The following SFRP5 variants were observed in gnomAD, a reference collection of about 807,000 sequenced individuals.
SFRP5 encodes secreted frizzled-related protein 5.
A neutral mutation model predicts 27.0 loss-of-function variants in SFRP5; 22 were observed. That is an observed-to-expected ratio of 0.82 (90% CI 0.58 to 1.17). The LOEUF is 1.17. SFRP5 is among the 50% of genes most tolerant of loss of function. The probability of loss-of-function intolerance (pLI) is 0.00; values close to 1 mark genes in which losing one functional copy is unlikely to be tolerated. For synonymous variants in SFRP5, 171 were observed against 195.0 expected (o/e 0.88, Z 1.03); for missense variants, 406 against 436.6 (o/e 0.93, Z 0.63).
Position 97,767,837 on chromosome 10 carries a change from T to G in SFRP5, c.631A>C (p.Ile211Leu). The G allele has an allele frequency of 6.5e-7, 1 of 1,529,638 alleles. No individual in the cohort carries two copies. The highest frequency in any genetic ancestry group is 1.3e-5 in the South Asian group (1 of 75,760). The allele number at this position is 1,529,638 out of a possible 1,614,324, so 94.8% of individuals were successfully genotyped here. A position where few individuals can be genotyped will look rare whatever the true frequency, so the allele number is the denominator to read the frequency against. ...TTCCGGTCCCCATTCTCTATCTTGA[T>G]CTCCTTGATGCGCATTTTGACCACT... The part of the protein sequence containing the change: ...DFVVKMRIKE[I>L]KIENGDRKLI... Residue 211 changes from isoleucine to leucine, a missense_variant, in exon 3 of 3, where the codon ATC becomes CTC. By Grantham distance (5) the Ile-to-Leu change is conservative. Coordinates refer to ENST00000266066, the MANE Select transcript of SFRP5 (RefSeq NM_003015.3).
rs764282376 is a variant in SFRP5 at position 97,771,359 on chromosome 10, T to G, written c.475A>C (p.Asn159His). ...AACTGCACGGCGATGCAGAGGTCGT[T>G]GTCCAGGGGGAACTTGTGGCAGTGC... The part of the protein sequence containing the change: ...MLHCHKFPLD[N>H]DLCIAVQFGH... The change falls in exon 1 of 3, where the codon AAC (asparagine) becomes CAC (histidine). Residue 159 changes from asparagine to histidine, a missense_variant. Physicochemically the swap from Asn to His is moderately conservative, Grantham distance 68 (BLOSUM62 1). Transcript: ENST00000266066. This position sits in a 1 kb window ranked among gnomAD's most constrained non-coding sequence, Gnocchi z 5.2. The G allele has an allele frequency of 1.9e-6, 3 of 1,607,812 alleles. No individual in the cohort carries two copies. Among genetic ancestry groups the G allele is most frequent in the East Asian group, 4.5e-5 (2 of 44,536 alleles).
Position 97,767,675 on chromosome 10 carries a change from A to G in SFRP5, c.793T>C (p.Phe265Leu). Residue 265 changes from phenylalanine to leucine, a missense_variant, in exon 3 of 3, where the codon TTC becomes CTC. Phe to Leu is a conservative substitution (Grantham distance 22, BLOSUM62 0). Coordinates refer to ENST00000266066, the MANE Select transcript of SFRP5 (RefSeq NM_003015.3). ...TCCACTTTGCGGCCCATGACCAGGA[A>G]GCTGCCCGCCAGGCTGTCCAGCTGT... ...CPQLDSLAGS[F>L]LVMGRKVDGQ... 1 of 1,614,144 alleles carries G rather than the reference A, an allele frequency of 6.2e-7. No homozygotes were observed. Among genetic ancestry groups the G allele is most frequent in the Non-Finnish European group, 8.5e-7 (1 of 1,180,036 alleles).
intron 1 of SFRP5, 132 bp from the exon 2 acceptor site, chr10:97,769,877 A>G: frequency 1.5e-6 from 1 of 673,192 alleles, no homozygotes; most frequent in Non-Finnish European, 2.8e-6. Flanking sequence ...CCTTATCAGG[A>G]GATGGGATGA....
At chr10:97,769,229 GC>G (rs2049502382) in intron 2 of SFRP5, among the ~76,000 whole-genome samples, 1 of 152,148 alleles carries the variant, frequency 6.6e-6, no homozygotes, top group African/African-American at 2.4e-5. Flanking sequence ...CCACAGCTCC[GC>G]TGGCAGGAGG....
intron 2 of SFRP5, among the ~76,000 whole-genome samples, 171 bp downstream of exon 2, chr10:97,769,497 A>G (rs1191413403): frequency 1.3e-5 from 2 of 152,158 alleles, no homozygotes; most frequent in East Asian, 3.9e-4. Flanking sequence ...AAAGAGGTGC[A>G]TTTCTCTTGG....
chr10:97,768,935 C>G (rs2049500305), intron 2 of SFRP5, among the ~76,000 whole-genome samples: 1 of 152,196 alleles, frequency 6.6e-6, no homozygotes, highest in Non-Finnish European at 1.5e-5. Flanking sequence ...CCCCTTCCCC[C>G]TCTCTTTCTC....
chr10:97,770,981 C>A (rs1310822465), intron 1 of SFRP5, among the ~76,000 whole-genome samples: 1 of 152,040 alleles, frequency 6.6e-6, no homozygotes, highest in Non-Finnish European at 1.5e-5. Context: ...ATCAGGACGT[C>A]CCAGGATTGG....
intron 2 of SFRP5, among the ~76,000 whole-genome samples, chr10:97,768,408 A>G (rs1185947319): frequency 6.6e-6 from 1 of 152,024 alleles, no homozygotes; most frequent in East Asian, 1.9e-4. Context: ...GGGCTGGCAA[A>G]TATTTAACAG....
At chr10:97,768,421 G>A (rs1449054801) in intron 2 of SFRP5, among the ~76,000 whole-genome samples, 3 of 152,190 alleles carry the variant, frequency 2.0e-5, no homozygotes, top group South Asian at 2.1e-4. Context: ...TTTAACAGCC[G>A]GCTCTGTGGA....
intron 2 of SFRP5, among the ~76,000 whole-genome samples, chr10:97,769,040 A>G (rs1450560009): frequency 6.6e-6 from 1 of 152,220 alleles, no homozygotes; most frequent in East Asian, 1.9e-4. Context: ...GGACTTCATT[A>G]TCATCTCCTT....
At chr10:97,770,971 A>G (rs1056670982) in intron 1 of SFRP5, among the ~76,000 whole-genome samples, 10 of 152,046 alleles carry the variant, frequency 6.6e-5, no homozygotes, top group Non-Finnish European at 1.3e-4. Context: ...TAAGGCATTT[A>G]TCAGGACGTC....
At position 97,771,869 on chromosome 10, in the gene SFRP5, C is replaced by T. The variant is rs757920894; in HGVS notation, c.-36G>A. ...TCTCCAGGTGCGCGCCGCGCAGCCC[C>T]CCGACGCTCGGTGCCCGGCGGCCCA... On this transcript the variant is annotated 5_prime_UTR_variant, in exon 1 of 3. Transcript: ENST00000266066. The surrounding 1 kb of genome is among the most constrained non-coding windows in gnomAD (Gnocchi z 5.2). The T allele has an allele frequency of 1.1e-4, 108 of 1,022,374 alleles. No homozygotes were observed. The highest frequency in any genetic ancestry group is 7.6e-5 in the Non-Finnish European group (65 of 855,280). 63.3% of individuals were successfully genotyped at this position (1,022,374 alleles called of 1,614,324 possible). A position where few individuals can be genotyped will look rare whatever the true frequency, so the allele number is the denominator to read the frequency against.
Position 97,767,388 on chromosome 10 carries a change from C to T in SFRP5, c.*126G>A. ...GGACAGCCTGGGCTCCGTGCCCATC[C>T]CTTAGGCCTTGTGCCAGTAACAACA... is the stretch of plus-strand genomic sequence containing the variant. On this transcript the variant is annotated 3_prime_UTR_variant, in exon 3 of 3. Coordinates refer to ENST00000266066, the MANE Select transcript of SFRP5 (RefSeq NM_003015.3). 1 of 727,192 alleles carries T rather than the reference C, an allele frequency of 1.4e-6. No individual in the cohort carries two copies. The highest frequency in any genetic ancestry group is 2.2e-6 in the Non-Finnish European group (1 of 450,392). The allele number at this position is 727,192 out of a possible 1,614,324, so 45.0% of individuals were successfully genotyped here.
At chr10:97,769,363 C>G (rs2049503291) in intron 2 of SFRP5, among the ~76,000 whole-genome samples, 1 of 152,254 alleles carries the variant, frequency 6.6e-6, no homozygotes, top group South Asian at 2.1e-4. Flanking sequence ...CAGAGATGAT[C>G]CAGTCATGGA....
Position 97,769,494 on chromosome 10 carries a change from T to G in SFRP5, c.607+174A>C, listed in dbSNP as rs376451420. Among the ~76,000 whole-genome samples the G allele has an allele frequency of 4.6e-5, 7 of 152,188 alleles. No individual in the cohort carries two copies. In the South Asian group the frequency reaches 6.2e-4, roughly 14 times the overall value. On this transcript the variant is annotated intron_variant, in intron 2 of 2. Transcript: ENST00000266066. ...GGTCCTGAGATGATGCAGAAAGAGG[T>G]GCATTTCTCTTGGGAAAGGGTTTAT...
Position 97,769,699 on chromosome 10 carries a change from G to T in SFRP5, c.576C>A (p.Gly192=), listed in dbSNP as rs144534925. The change falls in exon 2 of 3, where the codon GGC becomes GGA. Residue 192 remains glycine (G), a synonymous_variant. Transcript: ENST00000266066. ...AQCEMEHSAD[G]LMEQMCSSDF... is the part of the protein sequence containing the mutation. ...CACTGGAGCACATCTGCTCCATGAG[G>T]CCGTCAGCACTGTGCTCCATCTCAC... 1.7e-5 allele frequency: 27 copies of T among 1,613,482 alleles called. 1 individual carries two copies. In the African/African-American group the frequency reaches 3.3e-4, roughly 20 times the overall value.
rs11819043 is a variant in SFRP5 at position 97,767,076 on chromosome 10, A to T, written c.*438T>A. On this transcript the variant is annotated 3_prime_UTR_variant, in exon 3 of 3. Transcript: ENST00000266066. ...TCCTTTCCTAAGGGGGGCTAGGATG[A>T]CGCGTACAGGGGCGGTGGGGAGAAC... 0.01 allele frequency: 1,549 copies of T among 154,660 alleles called. 27 individuals are homozygous for T. The highest frequency in any genetic ancestry group is 0.036 in the African/African-American group (1,480 of 41,476). 9.6% of individuals were successfully genotyped at this position (154,660 alleles called of 1,614,324 possible). A position where few individuals can be genotyped will look rare whatever the true frequency, so the allele number is the denominator to read the frequency against.
At position 97,771,414 on chromosome 10, in the gene SFRP5, C is replaced by T. The variant is rs553721430; in HGVS notation, c.420G>A (p.Glu140=). 7.6e-5 allele frequency: 122 copies of T among 1,613,030 alleles called. 2 individuals are homozygous for T. The South Asian group carries it at 1.3e-3, about 17-fold the overall frequency. Residue 140 remains glutamate, a synonymous_variant, in exon 1 of 3, where the codon GAG becomes GAA. Coordinates refer to ENST00000266066, the MANE Select transcript of SFRP5 (RefSeq NM_003015.3). The surrounding 1 kb of genome is among the most constrained non-coding windows in gnomAD (Gnocchi z 5.2). The stretch of plus-strand genomic sequence containing the variant: ...TCTCAGGCCAGGGGAAGCCGTAGGC[C>T]TCCATGAGCGGCGCGCAGCCGGCGC... ...AVRAGCAPLM[E]AYGFPWPEML... is the part of the protein sequence containing the mutation.
At chr10:97,768,028 T>TA (rs1378857884) in intron 2 of SFRP5, among the ~76,000 whole-genome samples, 168 bp from the exon 3 acceptor site, 2 of 152,050 alleles carry the variant, frequency 1.3e-5, no homozygotes, top group Non-Finnish European at 2.9e-5. Flanking sequence ...ATGAAGCACT[T>TA]ATCATGCTGC....
Sources: gnomAD v4.1 joint callset for allele counts (sites outside exome capture counted in the v4.1 genomes callset) on GRCh38, gnomAD v4.1.1 for gene constraint, Gnocchi (gnomAD v3.1) non-coding constraint, MANE v1.5 for transcripts, NCBI Gene and HGNC (gene_info 2026-07-23, HGNC 2026-07-21) for gene names.